The following TM2D3 variants were observed in gnomAD, a reference collection of about 807,000 sequenced individuals.
TM2D3 encodes TM2 domain-containing protein 3.
In TM2D3, 33 loss-of-function variants were observed where a neutral mutation model predicts 27.3. The ratio of observed to expected loss-of-function variants is 1.21; its 90% CI spans 0.92 to 1.61. TM2D3 has a LOEUF of 1.61. Among genes scored for constraint, TM2D3 ranks in the 40% most tolerant of loss-of-function variants. The probability of loss-of-function intolerance (pLI) is 0.00; values close to 1 mark genes in which losing one functional copy is unlikely to be tolerated. For missense variants in TM2D3, 364 were observed against 320.8 expected, an observed-to-expected ratio of 1.13 and a Z score of -1.03; for synonymous variants, 138 against 122.2, an observed-to-expected ratio of 1.13 and a Z score of -0.85.
exon 5 of TM2D3, chr15:101,633,698 C>T: frequency 6.5e-7 from 1 of 1,533,680 alleles, no homozygotes. Flanking sequence ...CAACAGTGAG[C>T]TGAACATGAA....
intron 4 of TM2D3, chr15:101,635,473 G>A (rs532426945): frequency 4.0e-4 from 61 of 152,104 alleles, no homozygotes; most frequent in Non-Finnish European, 7.9e-4. Context: ...CTCACTTTTG[G>A]TGCCACATTT....
downstream of TM2D3, among the ~76,000 whole-genome samples, chr15:101,640,079 T>C (rs1896633283): frequency 6.6e-6 from 1 of 152,222 alleles, no homozygotes; most frequent in South Asian, 2.1e-4. Flanking sequence ...GGTTGACTGA[T>C]ATGGTTCCCA....
chr15:101,646,663 G>C, intron 4 of TM2D3, 62 bp downstream of exon 4: 4 of 1,594,730 alleles, frequency 2.5e-6, no homozygotes, highest in Non-Finnish European at 3.4e-6. Context: ...TCTGGTTAAA[G>C]TCCCTTCAAT....
exon 5 of TM2D3, chr15:101,633,451 A>G: frequency 2.3e-6 from 1 of 437,410 alleles, no homozygotes; most frequent in Non-Finnish European, 4.1e-6. Flanking sequence ...TCACACTGTT[A>G]GAAGAATTCA....
At chr15:101,634,810 C>G (rs1304983938) in intron 4 of TM2D3, 1 of 152,178 alleles carries the variant, frequency 6.6e-6, no homozygotes. Context: ...TCTTTGAGGA[C>G]ATTTTTAAGA....
chr15:101,649,614 C>T (rs567475423), intron 3 of TM2D3, among the ~76,000 whole-genome samples: 1 of 152,318 alleles, frequency 6.6e-6, no homozygotes, highest in South Asian at 2.1e-4. Context: ...CCTTCAAAAG[C>T]TCATCTATGG....
At chr15:101,640,353 T>A (rs891651186), downstream of TM2D3, among the ~76,000 whole-genome samples, 3 of 152,082 alleles carry the variant, frequency 2.0e-5, no homozygotes, top group Non-Finnish European at 4.4e-5. Context: ...TGTGAGAAGA[T>A]GTTATGAGGA....
chr15:101,643,497 G>C (rs1466181359), intron 5 of TM2D3, among the ~76,000 whole-genome samples: 2 of 151,636 alleles, frequency 1.3e-5, no homozygotes, highest in African/African-American at 4.8e-5. Context: ...AGCTGCTCGG[G>C]AGGCTGAGGC....
At chr15:101,646,931 C>T (rs1193455770) in intron 3 of TM2D3, 32 bp from the exon 4 acceptor site, 1 of 1,612,576 alleles carries the variant, frequency 6.2e-7, no homozygotes, top group Non-Finnish European at 8.5e-7. Context: ...ACTCATCAAT[C>T]ACAATGGTGT....
chr15:101,651,498 G>A (rs1015563283), intron 2 of TM2D3, 198 bp downstream of exon 2: 3 of 503,376 alleles, frequency 6.0e-6, no homozygotes, highest in African/African-American at 2.0e-5. Flanking sequence ...AGAGGAGGCA[G>A]AAACGTCAAA....
chr15:101,648,595 G>A (rs572888306), intron 3 of TM2D3, among the ~76,000 whole-genome samples: 40 of 152,278 alleles, frequency 2.6e-4, no homozygotes, highest in African/African-American at 8.7e-4. Context: ...GGCCAAGTAC[G>A]CTCTGTGCTT....
rs1897001823 is a variant in TM2D3 at position 101,652,157 on chromosome 15, G to A, written c.91+114C>T. 3.9e-6 allele frequency: 4 copies of A among 1,015,686 alleles called. No individual in the cohort carries two copies. The South Asian group carries it at 4.2e-5, about 11-fold the overall frequency. The allele number at this position is 1,015,686 out of a possible 1,614,324, so 62.9% of individuals were successfully genotyped here. A position where few individuals can be genotyped will look rare whatever the true frequency, so the allele number is the denominator to read the frequency against. ...GCAGCGACAAGCGGCCCGGAGCCCG[G>A]CACTCGGCCTCCTCCCCGCGTCAGC... is the stretch of plus-strand genomic sequence containing the variant. On this transcript the variant is annotated intron_variant, in intron 1 of 5. Coordinates refer to ENST00000333202, the MANE Select transcript of TM2D3 (RefSeq NM_078474.3).
Position 101,642,185 on chromosome 15 carries a change from G to A in TM2D3, c.*294C>T, listed in dbSNP as rs1396102276. 3.8e-6 allele frequency: 4 copies of A among 1,057,200 alleles called. No individual in the cohort carries two copies. The highest frequency in any genetic ancestry group is 8.4e-5 in the South Asian group (2 of 23,864). The allele number at this position is 1,057,200 out of a possible 1,614,324, so 65.5% of individuals were successfully genotyped here. On this transcript the variant is annotated 3_prime_UTR_variant, in exon 6 of 6. Transcript: ENST00000333202. ...ATACAAGTGATGTAGTTTGACTTGG[G>A]CAATACAAAACAAAAGTCATAGGAA...
downstream of TM2D3, among the ~76,000 whole-genome samples, chr15:101,638,969 G>A (rs2141358105): frequency 6.6e-6 from 1 of 152,304 alleles, no homozygotes; most frequent in East Asian, 1.9e-4. Context: ...ATGGCCGGCA[G>A]GGCTCTCAGA....
chr15:101,649,225 T>C (rs562083799), intron 3 of TM2D3, among the ~76,000 whole-genome samples: 11 of 152,340 alleles, frequency 7.2e-5, no homozygotes, highest in South Asian at 2.1e-4. Context: ...AGTGTTTATA[T>C]ATTACTGATA....
rs772075233 is a variant in TM2D3 at position 101,646,886 on chromosome 15, T to C, written c.341A>G (p.Lys114Arg). 1 of 1,614,202 alleles carries C rather than the reference T, an allele frequency of 6.2e-7. No individual in the cohort carries two copies. The highest frequency in any genetic ancestry group is 1.1e-5 in the South Asian group (1 of 91,080). The change falls in exon 4 of 6, where the codon AAA becomes AGA. Residue 114 changes from lysine to arginine, a missense_variant. Lys to Arg is a conservative substitution (Grantham distance 26). Coordinates refer to ENST00000333202, the MANE Select transcript of TM2D3 (RefSeq NM_078474.3). ...PSVTCVDQDF[K>R]SQKNFIINMT... ...GTTAATGATGAAGTTCTTTTGGGAT[T>C]TGAAGTCTTGATCCTATGTAGCAAA...
Position 101,651,767 on chromosome 15 carries a change from G to T in TM2D3, c.98C>A (p.Ser33Ter). 1 of 1,614,142 alleles carries T rather than the reference G, an allele frequency of 6.2e-7. No individual in the cohort carries two copies. The highest frequency in any genetic ancestry group is 1.1e-5 in the South Asian group (1 of 91,088). ...QFCILSGGEQ[S>*]QALAQSIKDP... ...CTTTATTGACTGAGCCAGCGCCTGC[G>T]ATTGCTCTAAATTTAAGGATCGTAC... Residue 33 changes from serine to a stop codon, truncating the protein, a stop_gained, in exon 2 of 6, where the codon TCG (serine) becomes TAG (stop). Coordinates refer to ENST00000333202, the MANE Select transcript of TM2D3 (RefSeq NM_078474.3). LOFTEE classifies it high-confidence loss of function.
intron 1 of TM2D3, 176 bp downstream of exon 1, chr15:101,652,095 G>A (rs1307099473): frequency 3.3e-6 from 2 of 597,256 alleles, no homozygotes; most frequent in Admixed American, 7.8e-5. Context: ...CGGAGGGGCG[G>A]CCTCGGGCCG....
chr15:101,644,877 G>A (rs978521012), intron 5 of TM2D3, among the ~76,000 whole-genome samples: 1 of 152,164 alleles, frequency 6.6e-6, no homozygotes, highest in African/African-American at 2.4e-5. Context: ...TAATGTGCAG[G>A]CATCTTGGGA....
Sources: allele counts gnomAD v4.1 joint callset (sites outside exome capture counted in the v4.1 genomes callset), GRCh38; gene constraint gnomAD v4.1.1; transcripts MANE v1.5; gene names NCBI Gene and HGNC (gene_info 2026-07-23, HGNC 2026-07-21).